Variants in ELOVL6 observed in about 807,000 individuals in gnomAD.
The protein encoded by ELOVL6 is ELOVL fatty acid elongase 6, also known as very long chain fatty acid elongase 6.
ELOVL6 carries 8 observed loss-of-function variants against 31.7 expected under a neutral mutation model. The ratio of observed to expected loss-of-function variants is 0.25; its 90% CI spans 0.15 to 0.45. The LOEUF is 0.45. ELOVL6 is among the 20% of genes least tolerant of loss of function. The pLI, the probability that ELOVL6 is intolerant of heterozygous loss-of-function variation, is 1.00. For synonymous variants in ELOVL6, 101 were observed against 117.7 expected (o/e 0.86, Z 0.92); for missense variants, 126 against 326.4 (o/e 0.39, Z 4.73).
chr4:110,167,653 T>TATG, intron 1 of ELOVL6, among the ~76,000 whole-genome samples: 1 of 139,510 alleles, frequency 7.2e-6, no homozygotes, highest in Non-Finnish European at 1.6e-5. Flanking sequence ...ACCACCTCAG[T>TATG]TATGTATGTA....
intron 2 of ELOVL6, among the ~76,000 whole-genome samples, chr4:110,084,549 C>CAGATATATATTTATAT (rs1560815682): frequency 4.1e-5 from 3 of 72,732 alleles, no homozygotes; most frequent in African/African-American, 2.3e-4. Context: ...CACACACACA[C>CAGATATATATTTATAT]ACACACACAC....
intron 3 of ELOVL6, among the ~76,000 whole-genome samples, chr4:110,055,131 T>C (rs1754944903): frequency 6.6e-6 from 1 of 152,146 alleles, no homozygotes; most frequent in African/African-American, 2.4e-5. Context: ...CGGTCTTGGA[T>C]ATGGCAGCTG....
At chr4:110,072,061 C>T (rs1204184249) in intron 2 of ELOVL6, among the ~76,000 whole-genome samples, 1 of 152,234 alleles carries the variant, frequency 6.6e-6, no homozygotes, top group Non-Finnish European at 1.5e-5. Flanking sequence ...AGACAGATAT[C>T]AGCTGAAGCC....
chr4:110,179,744 T>C (rs1021604191), intron 1 of ELOVL6, among the ~76,000 whole-genome samples: 4 of 152,230 alleles, frequency 2.6e-5, no homozygotes, highest in Non-Finnish European at 5.9e-5. Context: ...ACGGAGCTGT[T>C]ATGTTGTAAC....
At chr4:110,108,147 A>G (rs985749019) in intron 1 of ELOVL6, among the ~76,000 whole-genome samples, 1 of 152,200 alleles carries the variant, frequency 6.6e-6, no homozygotes, top group African/African-American at 2.4e-5. Context: ...GAGCCTGGGA[A>G]GCTTTCATCC....
At chr4:110,147,780 G>GACACACAC (rs58644594) in intron 1 of ELOVL6, among the ~76,000 whole-genome samples, 4,922 of 142,648 alleles carry the variant, frequency 0.035, 128 homozygotes, top group African/African-American at 0.071. Flanking sequence ...GACAGAGCAG[G>GACACACAC]ACACACACAC....
At chr4:110,166,476 G>T (rs952033638) in intron 1 of ELOVL6, among the ~76,000 whole-genome samples, 33 of 152,106 alleles carry the variant, frequency 2.2e-4, no homozygotes, top group African/African-American at 8.0e-4. Context: ...CCTGGGTGTG[G>T]TGGTACGCGC....
At chr4:110,140,256 T>A (rs1757917318) in intron 1 of ELOVL6, among the ~76,000 whole-genome samples, 1 of 152,336 alleles carries the variant, frequency 6.6e-6, no homozygotes, top group Non-Finnish European at 1.5e-5. Context: ...CCTGTGGACA[T>A]GGTTTATTTC....
At chr4:110,084,577 TATATATATA>T (rs1756176118) in intron 2 of ELOVL6, among the ~76,000 whole-genome samples, 1 of 48,410 alleles carries the variant, frequency 2.1e-5, no homozygotes, top group Non-Finnish European at 3.4e-5. Context: ...TATATATATA[TATATATATA>T]TATTTTTTTT....
intron 1 of ELOVL6, among the ~76,000 whole-genome samples, chr4:110,124,250 T>G (rs1239751997): frequency 1.3e-5 from 2 of 152,202 alleles, no homozygotes; most frequent in Non-Finnish European, 2.9e-5. Flanking sequence ...GTTTGCTTAT[T>G]GCATACGTAT....
chr4:110,160,948 G>A (rs979981794), intron 1 of ELOVL6, among the ~76,000 whole-genome samples: 4 of 152,186 alleles, frequency 2.6e-5, no homozygotes, highest in African/African-American at 9.7e-5. Flanking sequence ...CAACAGAGTA[G>A]ATCAGTACTA....
At chr4:110,074,817 G>A (rs891521252) in intron 2 of ELOVL6, among the ~76,000 whole-genome samples, 2 of 152,144 alleles carry the variant, frequency 1.3e-5, no homozygotes, top group African/African-American at 2.4e-5. Flanking sequence ...TAAGCCCTGC[G>A]CTGGCTCTCC....
Position 110,069,205 on chromosome 4 carries a change from C to T in ELOVL6, c.222-9451G>A, listed in dbSNP as rs577082244. Among the ~76,000 whole-genome samples, 27 of 151,048 alleles carry T rather than the reference C, an allele frequency of 1.8e-4. No homozygotes were observed. The Middle Eastern group carries it at 0.017, about 97-fold the overall frequency. ...TGGTACCATAATGGATGTCAACTAG[C>T]ATTTCCCAAAAGAAACAGAACACCT... On this transcript the variant is annotated intron_variant, in intron 2 of 3. Coordinates refer to ENST00000302274, the MANE Select transcript of ELOVL6 (RefSeq NM_024090.3).
At chr4:110,077,791 G>A (rs4449473) in intron 2 of ELOVL6, among the ~76,000 whole-genome samples, 15,423 of 152,000 alleles carry the variant, frequency 0.1, 865 homozygotes, top group East Asian at 0.17. Flanking sequence ...AAACTACTCC[G>A]AGCTAAAGGA....
chr4:110,170,272 T>C (rs1158507309), intron 1 of ELOVL6, among the ~76,000 whole-genome samples: 1 of 152,236 alleles, frequency 6.6e-6, no homozygotes, highest in Non-Finnish European at 1.5e-5. Context: ...AAGTATAGGT[T>C]GTGTGCTGCC....
intron 1 of ELOVL6, among the ~76,000 whole-genome samples, chr4:110,127,422 A>AAAG (rs1757538428): frequency 6.6e-6 from 1 of 150,928 alleles, no homozygotes; most frequent in Admixed American, 6.6e-5. Flanking sequence ...AAAAAAAAAA[A>AAAG]AAAGAAAAGA....
chr4:110,171,367 C>T (rs1395769949), intron 1 of ELOVL6, among the ~76,000 whole-genome samples: 1 of 151,980 alleles, frequency 6.6e-6, no homozygotes, highest in Non-Finnish European at 1.5e-5. Context: ...CAAGATCGCG[C>T]CATTGCACTC....
chr4:110,177,430 T>C (rs766830685), intron 1 of ELOVL6, among the ~76,000 whole-genome samples: 20 of 151,892 alleles, frequency 1.3e-4, no homozygotes, highest in Non-Finnish European at 2.4e-4. Flanking sequence ...GAGTGAAACA[T>C]TGTTTCTTAA....
intron 1 of ELOVL6, among the ~76,000 whole-genome samples, chr4:110,183,979 CTCAATCAA>C: frequency 6.6e-6 from 1 of 152,080 alleles, no homozygotes; most frequent in East Asian, 1.9e-4. Context: ...GAGACCCTGT[CTCAATCAA>C]TCAATCAATC....
Sources: gnomAD v4.1 joint callset for allele counts (sites outside exome capture counted in the v4.1 genomes callset) on GRCh38, gnomAD v4.1.1 for gene constraint, MANE v1.5 for transcripts, NCBI Gene and HGNC (gene_info 2026-07-23, HGNC 2026-07-21) for gene names.